Variants in ARHGAP42 observed in about 807,000 individuals in gnomAD.
ARHGAP42 encodes the protein Rho GTPase activating protein 42, also known as rho GTPase-activating protein 42.
In ARHGAP42, 63 loss-of-function variants were observed where a neutral mutation model predicts 125.0. That is an observed-to-expected ratio of 0.50 (90% CI 0.41 to 0.62). The LOEUF (loss-of-function observed/expected upper bound fraction) is 0.62. ARHGAP42 is among the 20% of genes least tolerant of loss of function. The probability of loss-of-function intolerance (pLI) is 0.00; values close to 1 mark genes in which losing one functional copy is unlikely to be tolerated. For synonymous variants in ARHGAP42, 339 were observed against 351.0 expected (o/e 0.97, Z 0.38); for missense variants, 766 against 1,024.2 (o/e 0.75, Z 3.44).
chr11:100,850,137 C>T (rs1012810620), intron 3 of ARHGAP42, among the ~76,000 whole-genome samples: 2 of 152,142 alleles, frequency 1.3e-5, no homozygotes, highest in African/African-American at 2.4e-5. Flanking sequence ...ATAAACATGG[C>T]ATCAGCACAA....
At chr11:100,764,387 C>T (rs968871655) in intron 1 of ARHGAP42, among the ~76,000 whole-genome samples, 3 of 152,152 alleles carry the variant, frequency 2.0e-5, no homozygotes, top group Non-Finnish European at 4.4e-5. Flanking sequence ...AAAGAGCATC[C>T]AGTTTGGGAA....
intron 3 of ARHGAP42, among the ~76,000 whole-genome samples, chr11:100,818,370 A>T (rs1864321102): frequency 6.6e-6 from 1 of 152,190 alleles, no homozygotes; most frequent in Non-Finnish European, 1.5e-5. Context: ...GCATGTACAT[A>T]ACGTCAGTGA....
intron 3 of ARHGAP42, among the ~76,000 whole-genome samples, chr11:100,837,666 CTTTTTTTTTT>C (rs373059302): frequency 2.0e-4 from 12 of 61,066 alleles, no homozygotes; most frequent in South Asian, 1.4e-3. Flanking sequence ...AGGTGTCATC[CTTTTTTTTTT>C]TTTTTTTTTT....
At chr11:100,961,012 T>G in intron 14 of ARHGAP42, 23 bp downstream of exon 14, 1 of 1,499,044 alleles carries the variant, frequency 6.7e-7, no homozygotes, top group South Asian at 1.3e-5. Flanking sequence ...TGAAGCAACT[T>G]ACATAATTTT....
intron 4 of ARHGAP42, among the ~76,000 whole-genome samples, chr11:100,892,070 GA>G (rs1324590676): frequency 1.3e-5 from 2 of 152,120 alleles, no homozygotes; most frequent in Non-Finnish European, 1.5e-5. Flanking sequence ...GAGATGAGAC[GA>G]AAAAGACATG....
chr11:100,961,809 T>G, intron 15 of ARHGAP42, 41 bp downstream of exon 15: 100 of 1,476,912 alleles, frequency 6.8e-5, no homozygotes, highest in Middle Eastern at 1.7e-4. Context: ...ATGTAATCTC[T>G]GACTCACCCC....
intron 3 of ARHGAP42, among the ~76,000 whole-genome samples, chr11:100,833,643 A>G (rs182182851): frequency 9.8e-4 from 150 of 152,356 alleles, no homozygotes; most frequent in Non-Finnish European, 1.5e-3. Context: ...CAGGGTAGCC[A>G]GATTTCTTAC....
chr11:100,792,078 A>G (rs916236383), intron 2 of ARHGAP42, among the ~76,000 whole-genome samples: 25 of 152,322 alleles, frequency 1.6e-4, no homozygotes, highest in African/African-American at 5.8e-4. Context: ...GGCAATACCC[A>G]GGAGCCAGTG....
chr11:100,806,349 C>T (rs76402612), intron 3 of ARHGAP42, among the ~76,000 whole-genome samples: 11,289 of 152,152 alleles, frequency 0.074, 535 homozygotes, highest in Middle Eastern at 0.11. Context: ...GATATGCCCT[C>T]GATAGGTGAT....
At chr11:100,712,692 G>A (rs1861584849) in intron 1 of ARHGAP42, among the ~76,000 whole-genome samples, 1 of 152,076 alleles carries the variant, frequency 6.6e-6, no homozygotes, top group Admixed American at 6.6e-5. Flanking sequence ...TGAGGGTGAG[G>A]GAAGGAGTTA....
intron 3 of ARHGAP42, among the ~76,000 whole-genome samples, chr11:100,811,632 T>C (rs1864145517): frequency 6.6e-6 from 1 of 151,946 alleles, no homozygotes; most frequent in Non-Finnish European, 1.5e-5. Flanking sequence ...CCTGAGTAGC[T>C]AGGATTATAG....
chr11:100,820,948 T>G (rs1014656649), intron 3 of ARHGAP42, among the ~76,000 whole-genome samples: 4 of 151,458 alleles, frequency 2.6e-5, no homozygotes, highest in Admixed American at 1.3e-4. Context: ...GGTCATCTTT[T>G]TTTGTTTGTT....
chr11:100,795,190 A>C (rs1038744225), intron 3 of ARHGAP42, 24 bp downstream of exon 3: 1 of 1,488,954 alleles, frequency 6.7e-7, no homozygotes, highest in Non-Finnish European at 9.0e-7. Flanking sequence ...GTATTTCTTA[A>C]GAATATTGCT....
chr11:100,734,453 G>A (rs1314692924), intron 1 of ARHGAP42, among the ~76,000 whole-genome samples: 5 of 150,994 alleles, frequency 3.3e-5, no homozygotes, highest in Admixed American at 6.6e-5. Context: ...CTAATTTTTC[G>A]TATTTTTAGT....
intron 1 of ARHGAP42, among the ~76,000 whole-genome samples, chr11:100,767,683 C>T (rs17713163): frequency 3.9e-5 from 6 of 152,004 alleles, no homozygotes; most frequent in Admixed American, 2.0e-4. Context: ...GAAGGATATC[C>T]ATCGAAGGGT....
intron 1 of ARHGAP42, among the ~76,000 whole-genome samples, chr11:100,769,338 T>C (rs1331598694): frequency 6.6e-6 from 1 of 152,190 alleles, no homozygotes; most frequent in Admixed American, 6.5e-5. Context: ...CCAGGCAGCC[T>C]GGCTCCAGAG....
At chr11:100,696,623 G>A (rs1367908268) in intron 1 of ARHGAP42, among the ~76,000 whole-genome samples, 2 of 151,930 alleles carry the variant, frequency 1.3e-5, no homozygotes, top group East Asian at 1.9e-4. Context: ...CCAAAGTGCT[G>A]GGATTACAGG....
chr11:100,759,315 CATAGCACCTTTT>C (rs1862650204), intron 1 of ARHGAP42, among the ~76,000 whole-genome samples: 1 of 152,176 alleles, frequency 6.6e-6, no homozygotes, highest in Non-Finnish European at 1.5e-5. Context: ...CTCTCTTCCT[CATAGCACCTTTT>C]ATAGCTAGGG....
chr11:100,883,418 C>G (rs1462366031), intron 4 of ARHGAP42, among the ~76,000 whole-genome samples: 10 of 152,172 alleles, frequency 6.6e-5, no homozygotes, highest in Admixed American at 6.5e-4. Context: ...TCTTGGCTCA[C>G]TGCATTCTCT....
Sources: allele counts gnomAD v4.1 joint callset (sites outside exome capture counted in the v4.1 genomes callset), GRCh38; gene constraint gnomAD v4.1.1; transcripts MANE v1.5; gene names NCBI Gene and HGNC (gene_info 2026-07-23, HGNC 2026-07-21).